TNRC6A: variants seen among roughly 807,000 people sequenced by gnomAD.
The protein encoded by TNRC6A is trinucleotide repeat-containing gene 6A protein.
In TNRC6A, 44 loss-of-function variants were observed where a neutral mutation model predicts 221.2. The ratio of observed to expected loss-of-function variants is 0.20; its 90% CI spans 0.16 to 0.26. The LOEUF (loss-of-function observed/expected upper bound fraction) is 0.26, where lower values mean the gene tolerates loss of function less well. TNRC6A is among the 10% of genes least tolerant of loss of function. TNRC6A has a pLI of 1.00. For missense variants in TNRC6A, 2,199 were observed against 2,404.4 expected (o/e 0.91, Z 1.79); for synonymous variants, 847 against 838.5 (o/e 1.01, Z -0.18).
chr16:24,737,996 A>T (rs548005934), intron 2 of TNRC6A, among the ~76,000 whole-genome samples: 3 of 152,228 alleles, frequency 2.0e-5, no homozygotes, highest in Non-Finnish European at 4.4e-5. Flanking sequence ...TCTCTTTGCA[A>T]TGTGAGGCAT....
Position 24,789,855 on chromosome 16 carries a change from C to G in TNRC6A, c.1213C>G (p.Gln405Glu), listed in dbSNP as rs779311528. The G allele has an allele frequency of 1.2e-6, 2 of 1,614,130 alleles. No homozygotes were observed. The highest frequency in any genetic ancestry group is 1.7e-6 in the Non-Finnish European group (2 of 1,180,022). ...CSTIGQMPNN[Q>E]SINSKVSGGS... is the part of the protein sequence containing the mutation. The stretch of plus-strand genomic sequence containing the variant: ...TACTATAGGCCAGATGCCTAACAAT[C>G]AGAGTATTAACTCTAAAGTGAGTGG... Residue 405 changes from glutamine (Q) to glutamate (E), a missense_variant, in exon 6 of 25, where the codon CAG (glutamine) becomes GAG (glutamate). Physicochemically the swap from Gln to Glu is conservative, Grantham distance 29. Around this residue, in one of 8 missense-constraint regions of TNRC6A, gnomAD observed 1,405 missense variants for 1,400.2 expected, o/e 1.00. Coordinates refer to ENST00000395799, the MANE Select transcript of TNRC6A (RefSeq NM_014494.4).
At chr16:24,668,584 A>G (rs1315448049) in intron 2 of TNRC6A, among the ~76,000 whole-genome samples, 9 of 152,132 alleles carry the variant, frequency 5.9e-5, no homozygotes, top group African/African-American at 1.9e-4. Context: ...CACCAAGGCC[A>G]TGCTTTCCAC....
chr16:24,666,405 A>G (rs1326684543), intron 2 of TNRC6A, among the ~76,000 whole-genome samples: 1 of 149,816 alleles, frequency 6.7e-6, no homozygotes. Context: ...CCCGGGAGGC[A>G]GAGCTTGCAG....
chr16:24,810,602 G>A (rs1236734425), intron 18 of TNRC6A, among the ~76,000 whole-genome samples: 4 of 152,164 alleles, frequency 2.6e-5, no homozygotes, highest in Non-Finnish European at 5.9e-5. Context: ...AACAGGAAGA[G>A]CAACCAAGAA....
intron 2 of TNRC6A, among the ~76,000 whole-genome samples, chr16:24,668,484 C>T (rs754451443): frequency 2.6e-5 from 4 of 152,158 alleles, no homozygotes; most frequent in Non-Finnish European, 4.4e-5. Context: ...GCCAGTCCCT[C>T]GGCTCTACCC....
intron 2 of TNRC6A, among the ~76,000 whole-genome samples, chr16:24,646,039 A>C (rs1347597832): frequency 1.3e-5 from 2 of 151,894 alleles, no homozygotes; most frequent in Non-Finnish European, 2.9e-5. Flanking sequence ...TATTTTGCAT[A>C]TTGATTCATG....
At chr16:24,682,806 G>A (rs1016397123) in intron 2 of TNRC6A, among the ~76,000 whole-genome samples, 1 of 152,080 alleles carries the variant, frequency 6.6e-6, no homozygotes, top group Non-Finnish European at 1.5e-5. Flanking sequence ...ATCTTCTGGG[G>A]CTCCCTATTG....
chr16:24,623,513 G>A (rs1276603602), intron 1 of TNRC6A, among the ~76,000 whole-genome samples: 3 of 152,256 alleles, frequency 2.0e-5, no homozygotes, highest in African/African-American at 7.2e-5. Flanking sequence ...TCACTCAGGT[G>A]TCAGTGCTCA....
At chr16:24,736,727 G>A (rs183047839) in intron 2 of TNRC6A, among the ~76,000 whole-genome samples, 5 of 152,154 alleles carry the variant, frequency 3.3e-5, no homozygotes, top group East Asian at 1.9e-4. Context: ...TAAATTAACC[G>A]AAAGGTTATC....
intron 2 of TNRC6A, among the ~76,000 whole-genome samples, chr16:24,731,426 A>C (rs1209172040): frequency 6.6e-6 from 1 of 152,218 alleles, no homozygotes; most frequent in African/African-American, 2.4e-5. Context: ...GAATGTGTTC[A>C]GATGGTGAAG....
intron 2 of TNRC6A, among the ~76,000 whole-genome samples, chr16:24,695,278 A>G (rs957620575): frequency 2.0e-5 from 3 of 152,184 alleles, no homozygotes; most frequent in Non-Finnish European, 4.4e-5. Flanking sequence ...AAGGCTGTGC[A>G]TAAAATAATC....
At chr16:24,631,590 G>A (rs1034515194) in intron 1 of TNRC6A, among the ~76,000 whole-genome samples, 4 of 151,922 alleles carry the variant, frequency 2.6e-5, no homozygotes, top group African/African-American at 7.3e-5. Context: ...TGGCCAACAC[G>A]GCAAAACTGC....
Position 24,797,881 on chromosome 16 carries a change from A to C in TNRC6A, c.3643-34A>C, listed in dbSNP as rs199547096. The stretch of plus-strand genomic sequence containing the variant: ...TTTATTTGTTTTCATTGATAAATTA[A>C]GGTCTGCTAACATGCTGCATTTTCT... On this transcript the variant is annotated intron_variant, in intron 10 of 24. Coordinates refer to ENST00000395799, the MANE Select transcript of TNRC6A (RefSeq NM_014494.4). The C allele has an allele frequency of 1.9e-6, 3 of 1,558,618 alleles. 1 individual carries two copies. The highest frequency in any genetic ancestry group is 2.4e-5 in the South Asian group (2 of 81,898).
intron 1 of TNRC6A, among the ~76,000 whole-genome samples, chr16:24,613,153 T>C (rs886958091): frequency 6.8e-6 from 1 of 147,040 alleles, no homozygotes; most frequent in Non-Finnish European, 1.5e-5. Context: ...AATCTATAAC[T>C]GAAGACATAC....
Position 24,818,617 on chromosome 16 carries a change from C to G in TNRC6A, c.4997C>G (p.Thr1666Arg). The change falls in exon 21 of 25, where the codon ACG becomes AGG. Residue 1666 changes from threonine (T) to arginine (R), a missense_variant. Transcript: ENST00000395799. ...NSGSSSSLNTTLPSTSAWSSI... is the reference protein window; with the variant it reads ...NSGSSSSLNTRLPSTSAWSSI... ...GGGTCATCCTCATCCTTGAACACCACGCTGCCTTCAACTAGTGCCTGGTCA... is the reference window on the plus strand; with the variant it reads ...GGGTCATCCTCATCCTTGAACACCAGGCTGCCTTCAACTAGTGCCTGGTCA... 6.2e-7 allele frequency: 1 copy of G among 1,614,160 alleles called. No individual in the cohort carries two copies. Among genetic ancestry groups the G allele is most frequent in the Non-Finnish European group, 8.5e-7 (1 of 1,179,994 alleles).
chr16:24,640,084 G>A (rs1901859036), intron 1 of TNRC6A, among the ~76,000 whole-genome samples: 1 of 152,154 alleles, frequency 6.6e-6, no homozygotes. Flanking sequence ...GGGTGGGGGA[G>A]TCTTGAATAA....
chr16:24,720,820 G>A (rs1305607018), intron 2 of TNRC6A, among the ~76,000 whole-genome samples: 1 of 151,474 alleles, frequency 6.6e-6, no homozygotes. Flanking sequence ...TGGATCACGA[G>A]GTCAGGAGAT....
chr16:24,741,757 T>C lies in TNRC6A; in HGVS notation c.54-8969T>C, dbSNP rs565211483. Among the ~76,000 whole-genome samples the C allele has an allele frequency of 5.3e-5, 8 of 152,350 alleles. No homozygotes were observed. In the South Asian group the frequency reaches 1.4e-3, roughly 28 times the overall value. ...CTTCCTCCTTTGGTTGCAACCTTCT[T>C]TGCATCCTAACCTTAGCTTAGTGCA... On this transcript the variant is annotated intron_variant, in intron 2 of 24. Transcript: ENST00000395799.
intron 23 of TNRC6A, 142 bp from the exon 24 acceptor site, chr16:24,822,732 C>CAACGTCAGAGT: frequency 8.5e-7 from 1 of 1,182,976 alleles, no homozygotes; most frequent in Non-Finnish European, 1.2e-6. Flanking sequence ...CCCGTCAGAG[C>CAACGTCAGAGT]AACGTCAGAG....
Sources: gnomAD v4.1 joint callset for allele counts (sites outside exome capture counted in the v4.1 genomes callset) on GRCh38, gnomAD v4.1.1 for gene constraint, gnomAD v4.1.1 regional missense constraint, MANE v1.5 for transcripts, NCBI Gene and HGNC (gene_info 2026-07-23, HGNC 2026-07-21) for gene names.